Variants in NOL8 observed in about 807,000 individuals in gnomAD.
NOL8 encodes nucleolar protein 8, also known as nucleolar protein Nop132.
Under a neutral mutation model 116.1 loss-of-function variants are expected in NOL8, and 93 were observed. That is an observed-to-expected ratio of 0.80 (90% confidence interval 0.68 to 0.95). NOL8 has a LOEUF of 0.95. Ranked by LOEUF, NOL8 falls within the 40% of genes least tolerant of loss-of-function variation. NOL8 has a pLI of 0.00. For missense variants in NOL8, 1,291 were observed against 1,382.8 expected (o/e 0.93, Z 1.05); for synonymous variants, 419 against 469.0 (o/e 0.89, Z 1.38).
Position 92,297,699 on chromosome 9 carries a change from A to G in NOL8, c.*137T>C. ...AGTTCCACAGAAAAAGATGGCAACC[A>G]GAATGATATTCCGTCAGCCAGATTT... On this transcript the variant is annotated 3_prime_UTR_variant, in exon 17 of 17. Coordinates refer to ENST00000442668, the MANE Select transcript of NOL8 (RefSeq NM_017948.6). The G allele has an allele frequency of 1.6e-6, 1 of 639,276 alleles. No homozygotes were observed. The highest frequency in any genetic ancestry group is 2.7e-6 in the Non-Finnish European group (1 of 371,026). 39.6% of individuals were successfully genotyped at this position (639,276 alleles called of 1,614,324 possible).
intron 11 of NOL8, 25 bp downstream of exon 11, chr9:92,306,861 G>T (rs1838312326): frequency 6.2e-7 from 1 of 1,600,676 alleles, no homozygotes; most frequent in African/African-American, 1.3e-5. Context: ...TGATATGGTA[G>T]AATGGGATGG....
intron 6 of NOL8, among the ~76,000 whole-genome samples, chr9:92,316,573 T>A (rs1228196689): frequency 6.6e-6 from 1 of 152,186 alleles, no homozygotes; most frequent in Non-Finnish European, 1.5e-5. Flanking sequence ...TTCTGTTCTC[T>A]CAGTTCTTAC....
chr9:92,298,524 ATATAT>A, intron 15 of NOL8, 188 bp from the exon 16 acceptor site: 1 of 529,588 alleles, frequency 1.9e-6, no homozygotes, highest in African/African-American at 2.0e-5. Context: ...TTTACTGTTT[ATATAT>A]ATCATTTACT....
chr9:92,315,986 A>G lies in NOL8; in HGVS notation c.639T>C (p.Phe213=). ...TTATTATCTTCTTGGGAGGGCCATG[A>G]AAGTCAGAGAACTCTCCTCGCCGTT... The part of the protein sequence containing the change: ...SKKRRGEFSD[F]HGPPKKIIKV... Residue 213 remains phenylalanine, a synonymous_variant, in exon 7 of 17, where the codon TTT becomes TTC. Transcript: ENST00000442668. 6.2e-7 allele frequency: 1 copy of G among 1,613,946 alleles called. No homozygotes were observed. Among genetic ancestry groups the G allele is most frequent in the East Asian group, 2.2e-5 (1 of 44,882 alleles).
chr9:92,301,914 T>A, intron 12 of NOL8, 92 bp from the exon 13 acceptor site: 2 of 1,046,712 alleles, frequency 1.9e-6, no homozygotes, highest in Non-Finnish European at 2.7e-6. Flanking sequence ...TGGACAACTT[T>A]AATTCTATCC....
At position 92,301,569 on chromosome 9, in the gene NOL8, T is replaced by C. The variant is rs1162172049; in HGVS notation, c.3157A>G (p.Thr1053Ala). The C allele has an allele frequency of 1.3e-6, 2 of 1,599,326 alleles. No individual in the cohort carries two copies. The highest frequency in any genetic ancestry group is 1.1e-5 in the South Asian group (1 of 88,472). ...AAAGTACCTTCCTTTATGTCTTTAGTGTCTGAATCAAAAAAAGAGAACGTG... is the reference window on the plus strand; with the variant it reads ...AAAGTACCTTCCTTTATGTCTTTAGCGTCTGAATCAAAAAAAGAGAACGTG... ...GFTFSFFDSD[T>A]KDIKEETYRV... Residue 1053 changes from threonine to alanine, a missense_variant, in exon 13 of 17, where the codon ACT becomes GCT. Coordinates refer to ENST00000442668, the MANE Select transcript of NOL8 (RefSeq NM_017948.6).
At chr9:92,324,296 T>C in intron 1 of NOL8, 87 bp from the exon 2 acceptor site, 1 of 1,050,600 alleles carries the variant, frequency 9.5e-7, no homozygotes, top group Non-Finnish European at 1.4e-6. Flanking sequence ...ATCAAATCCG[T>C]CTCCTGGATC....
intron 7 of NOL8, 53 bp from the exon 8 acceptor site, chr9:92,311,312 C>A: frequency 2.2e-6 from 3 of 1,379,808 alleles, no homozygotes; most frequent in South Asian, 1.2e-5. Context: ...GATGAAGACT[C>A]CAAAAGCAAT....
In NOL8 at chr9:92,315,190, T is replaced by A. The variant is rs1260411508; in HGVS notation, c.1435A>T (p.Lys479Ter). Reference sequence around the variant, plus strand: ...GTGAGATTCACACGAAGGCAGTTTTTCATCATGGCATTATACTCCTCACCT... The same window carrying A: ...GTGAGATTCACACGAAGGCAGTTTTACATCATGGCATTATACTCCTCACCT... ...EGGEEYNAMM[K>*]NCLRVNLTLA... The change falls in exon 7 of 17, where the codon AAA (lysine) becomes TAA (stop). Residue 479 changes from lysine to a stop codon, truncating the protein, a stop_gained. Transcript: ENST00000442668. LOFTEE classifies it high-confidence loss of function. The A allele has an allele frequency of 6.2e-7, 1 of 1,614,038 alleles. No individual in the cohort carries two copies. The highest frequency in any genetic ancestry group is 8.5e-7 in the Non-Finnish European group (1 of 1,179,894).
intron 14 of NOL8, among the ~76,000 whole-genome samples, chr9:92,299,288 C>T (rs1286289610): frequency 1.3e-5 from 2 of 152,208 alleles, no homozygotes; most frequent in Non-Finnish European, 2.9e-5. Flanking sequence ...CAGTGCCTCC[C>T]ATGGGTAGGC....
chr9:92,312,999 T>TTG (rs75079133), intron 7 of NOL8, among the ~76,000 whole-genome samples: 9,921 of 151,192 alleles, frequency 0.066, 464 homozygotes, highest in African/African-American at 0.13. Context: ...AAAAAAAGCA[T>TTG]TGTCTTAAAA....
chr9:92,311,521 C>T (rs1489486270), intron 7 of NOL8, among the ~76,000 whole-genome samples: 1 of 152,038 alleles, frequency 6.6e-6, no homozygotes, highest in African/African-American at 2.4e-5. Context: ...AAACAAACAA[C>T]CCTAGTGAAA....
Position 92,321,718 on chromosome 9 carries a change from C to T in NOL8, c.231G>A (p.Trp77Ter), listed in dbSNP as rs895612221. ...KCMSVLNKTK[W>*]KGGTLQIQLA... ...GTTGAATTTGTAATGTTCCACCTTT[C>T]CATTTTGTTTTATTTAAAACAGACA... Residue 77 changes from tryptophan to a stop codon, truncating the protein, a stop_gained, in exon 4 of 17, where the codon TGG becomes TGA. Coordinates refer to ENST00000442668, the MANE Select transcript of NOL8 (RefSeq NM_017948.6). LOFTEE classifies it high-confidence loss of function. 2.0e-6 allele frequency: 3 copies of T among 1,526,694 alleles called. No individual in the cohort carries two copies. Among genetic ancestry groups the T allele is most frequent in the Non-Finnish European group, 2.6e-6 (3 of 1,136,738 alleles). The allele number at this position is 1,526,694 out of a possible 1,614,324, so 94.6% of individuals were successfully genotyped here. A position where few individuals can be genotyped will look rare whatever the true frequency, so the allele number is the denominator to read the frequency against.
chr9:92,306,297 A>G (rs1838253683), intron 11 of NOL8, among the ~76,000 whole-genome samples: 1 of 152,180 alleles, frequency 6.6e-6, no homozygotes, highest in Admixed American at 6.5e-5. Flanking sequence ...CCCAGCCGAA[A>G]AAATATTTTA....
At chr9:92,323,150 A>T in intron 3 of NOL8, 2 of 453,418 alleles carry the variant, frequency 4.4e-6, no homozygotes, top group Non-Finnish European at 7.7e-6. Context: ...CATGATATTC[A>T]GTGGGATATA....
chr9:92,325,062 C>A (rs1225055439), intron 1 of NOL8: 1 of 152,142 alleles, frequency 6.6e-6, no homozygotes, highest in East Asian at 1.9e-4. Context: ...CGTTTAGCAC[C>A]CGGCAGGCGC....
chr9:92,321,485 A>C (rs1340199277), intron 4 of NOL8, among the ~76,000 whole-genome samples, 183 bp downstream of exon 4: 1 of 152,222 alleles, frequency 6.6e-6, no homozygotes, highest in Non-Finnish European at 1.5e-5. Flanking sequence ...TAAATGCATG[A>C]AATTATCCTT....
chr9:92,300,556 A>G (rs2134082475), intron 13 of NOL8: 1 of 990,644 alleles, frequency 1.0e-6, no homozygotes, highest in Non-Finnish European at 1.2e-6. Context: ...CAAGTTGCTG[A>G]TGTCTTTAGG....
intron 1 of NOL8, 44 bp from the exon 2 acceptor site, chr9:92,324,253 T>C: frequency 7.4e-7 from 1 of 1,358,348 alleles, no homozygotes; most frequent in Non-Finnish European, 1.0e-6. Flanking sequence ...TTCTAAAATC[T>C]AACAAAACAA....
Sources: gnomAD v4.1 joint callset for allele counts (sites outside exome capture counted in the v4.1 genomes callset) on GRCh38, gnomAD v4.1.1 for gene constraint, MANE v1.5 for transcripts, NCBI Gene and HGNC (gene_info 2026-07-23, HGNC 2026-07-21) for gene names.